The following CDS1 variants were observed in gnomAD, a reference collection of about 807,000 sequenced individuals.
CDS1 encodes the protein phosphatidate cytidylyltransferase 1.
CDS1 carries 41 observed loss-of-function variants against 62.1 expected under a neutral mutation model. That is an observed-to-expected ratio of 0.66 (90% CI 0.51 to 0.86). CDS1 has a LOEUF of 0.86. Among genes scored for constraint, CDS1 ranks in the 40% least tolerant of loss-of-function variants. The probability of loss-of-function intolerance (pLI) is 0.00; values close to 1 mark genes in which losing one functional copy is unlikely to be tolerated. For synonymous variants in CDS1, 185 were observed against 192.6 expected, an observed-to-expected ratio of 0.96 and a Z score of 0.32; for missense variants, 470 against 550.1, an observed-to-expected ratio of 0.85 and a Z score of 1.46.
At chr4:84,637,279 C>G (rs1416099416) in intron 8 of CDS1, among the ~76,000 whole-genome samples, 1 of 152,154 alleles carries the variant, frequency 6.6e-6, no homozygotes, top group Non-Finnish European at 1.5e-5. Flanking sequence ...AAGTTTTCGG[C>G]TTGGGAAGCT....
In CDS1 at chr4:84,583,419, C is replaced by T; in HGVS notation, c.18C>T (p.His6=). Residue 6 remains histidine, a synonymous_variant, in exon 1 of 13, where the codon CAC becomes CAT. Coordinates refer to ENST00000295887, the MANE Select transcript of CDS1 (RefSeq NM_001263.4). ...AGCGGAAGATGTTGGAGCTGAGGCA[C>T]CGGGGAAGCTGCCCCGGCCCCAGGG... MLELR[H]RGSCPGPREA... 1 of 1,600,932 alleles carries T rather than the reference C, an allele frequency of 6.2e-7. No individual in the cohort carries two copies. Among genetic ancestry groups the T allele is most frequent in the Non-Finnish European group, 8.5e-7 (1 of 1,174,546 alleles).
At chr4:84,629,804 T>C (rs1459308861) in intron 5 of CDS1, among the ~76,000 whole-genome samples, 1 of 152,224 alleles carries the variant, frequency 6.6e-6, no homozygotes, top group Non-Finnish European at 1.5e-5. Flanking sequence ...GGATAAAATG[T>C]CCATTAGGAA....
In CDS1 at chr4:84,589,753, G is replaced by A. The variant is rs191178485; in HGVS notation, c.117+6235G>A. Among the ~76,000 whole-genome samples, 24 of 152,326 alleles carry A rather than the reference G, an allele frequency of 1.6e-4. No individual in the cohort carries two copies. The East Asian group carries it at 4.4e-3, about 28-fold the overall frequency. On this transcript the variant is annotated intron_variant, in intron 1 of 12. Transcript: ENST00000295887. ...CAGAGCCTTGGTAGTATTTCAGAGG[G>A]GGAGAGGCAAGTTGTAACGTATTTG...
rs1724443378 is a variant in CDS1, at chr4:84,643,168, A to C, written c.1152+25A>C. 4 of 1,604,858 alleles carry C rather than the reference A, an allele frequency of 2.5e-6. No homozygotes were observed. In the East Asian group the frequency reaches 6.7e-5, roughly 27 times the overall value. On this transcript the variant is annotated intron_variant, in intron 11 of 12. Transcript: ENST00000295887. ...GGTGTGTGTTTAGATTCTTTGTTATATTATTAGAGAATATAATTAGAGAAT... is the reference window on the plus strand; with the variant it reads ...GGTGTGTGTTTAGATTCTTTGTTATCTTATTAGAGAATATAATTAGAGAAT...
At chr4:84,610,962 A>G (rs969183289) in intron 3 of CDS1, among the ~76,000 whole-genome samples, 13 of 152,226 alleles carry the variant, frequency 8.5e-5, no homozygotes, top group Non-Finnish European at 1.6e-4. Context: ...ATATATAATT[A>G]CAAACTACAA....
intron 4 of CDS1, among the ~76,000 whole-genome samples, chr4:84,618,098 A>G (rs1035090533): frequency 1.3e-5 from 2 of 152,184 alleles, no homozygotes; most frequent in Non-Finnish European, 2.9e-5. Flanking sequence ...CAAAATCACC[A>G]TAATGATATT....
chr4:84,630,310 G>A (rs1466988549), intron 5 of CDS1, among the ~76,000 whole-genome samples: 1 of 151,946 alleles, frequency 6.6e-6, no homozygotes, highest in Non-Finnish European at 1.5e-5. Context: ...TTTCATTTGT[G>A]CCTCCACTCA....
chr4:84,597,207 G>T (rs939995265), intron 1 of CDS1, among the ~76,000 whole-genome samples: 1 of 152,150 alleles, frequency 6.6e-6, no homozygotes, highest in African/African-American at 2.4e-5. Flanking sequence ...GAACAGGGCT[G>T]CGGAGAAAGA....
At chr4:84,599,282 A>G (rs959155663) in intron 1 of CDS1, among the ~76,000 whole-genome samples, 1 of 151,886 alleles carries the variant, frequency 6.6e-6, no homozygotes, top group Non-Finnish European at 1.5e-5. Context: ...TTATCTTACA[A>G]AGGTTACCTC....
At chr4:84,634,329 C>T (rs1020150924) in intron 7 of CDS1, among the ~76,000 whole-genome samples, 6 of 151,948 alleles carry the variant, frequency 3.9e-5, no homozygotes, top group Admixed American at 1.3e-4. Flanking sequence ...TGAAGAAATG[C>T]ATGTTTTTCT....
At chr4:84,646,838 G>A (rs903513458) in intron 12 of CDS1, among the ~76,000 whole-genome samples, 3 of 152,054 alleles carry the variant, frequency 2.0e-5, no homozygotes, top group African/African-American at 4.8e-5. Context: ...TGTTTGGTCC[G>A]CTTGTTCTAT....
rs1459891570 is a variant in CDS1 at position 84,650,982 on chromosome 4, A to G, written c.*2296A>G. 2 of 152,160 alleles carry G rather than the reference A, an allele frequency of 1.3e-5. No individual in the cohort carries two copies. Among genetic ancestry groups the G allele is most frequent in the South Asian group, 2.1e-4 (1 of 4,832 alleles). 9.4% of individuals were successfully genotyped at this position (152,160 alleles called of 1,614,324 possible). On this transcript the variant is annotated 3_prime_UTR_variant, in exon 13 of 13. Coordinates refer to ENST00000295887, the MANE Select transcript of CDS1 (RefSeq NM_001263.4). ...AAAACTAGGAAGTTCTTTCACAGTAATGCCTAGTTGTTCCAAATTTGCTAT... is the reference window on the plus strand; with the variant it reads ...AAAACTAGGAAGTTCTTTCACAGTAGTGCCTAGTTGTTCCAAATTTGCTAT...
At chr4:84,589,807 C>G (rs1315161736) in intron 1 of CDS1, among the ~76,000 whole-genome samples, 1 of 151,276 alleles carries the variant, frequency 6.6e-6, no homozygotes, top group African/African-American at 2.4e-5. Context: ...TAAGGCAGGT[C>G]TTTTTTGTTT....
At chr4:84,604,112 G>A in intron 1 of CDS1, 131 bp from the exon 2 acceptor site, 1 of 732,414 alleles carries the variant, frequency 1.4e-6, no homozygotes, top group South Asian at 2.0e-5. Flanking sequence ...AGATTTTCAA[G>A]ATAAATAGTA....
chr4:84,607,263 G>T (rs1189627969), intron 2 of CDS1, among the ~76,000 whole-genome samples: 1 of 152,058 alleles, frequency 6.6e-6, no homozygotes, highest in Non-Finnish European at 1.5e-5. Flanking sequence ...ATATTGGAGA[G>T]TGGTTGAAAG....
At chr4:84,631,696 A>G in intron 5 of CDS1, 123 bp from the exon 6 acceptor site, 1 of 738,294 alleles carries the variant, frequency 1.4e-6, no homozygotes, top group South Asian at 1.6e-5. Context: ...GAGAGATGGC[A>G]TCTGAGTAAG....
chr4:84,623,773 C>T (rs1340377174), intron 5 of CDS1, among the ~76,000 whole-genome samples: 1 of 152,182 alleles, frequency 6.6e-6, no homozygotes, highest in Admixed American at 6.5e-5. Context: ...CCCCAGGCCT[C>T]TCACGTGGTT....
chr4:84,634,019 G>T, intron 7 of CDS1, 80 bp downstream of exon 7: 1 of 729,376 alleles, frequency 1.4e-6, no homozygotes, highest in African/African-American at 1.8e-5. Context: ...GTGTCTTACA[G>T]ATTTCTACTA....
rs769326580 is a variant in CDS1 at position 84,617,603 on chromosome 4, A to T, written c.382A>T (p.Thr128Ser). 1 of 1,598,700 alleles carries T rather than the reference A, an allele frequency of 6.3e-7. No homozygotes were observed. The highest frequency in any genetic ancestry group is 8.6e-7 in the Non-Finnish European group (1 of 1,168,718). ...IQVKCFHEII[T>S]IGYRVYHSYD... ...AGTGAAATGCTTCCATGAAATTATC[A>T]CTATAGGTTATAGAGTCTATCATTC... Residue 128 changes from threonine (T) to serine (S), a missense_variant, in exon 4 of 13, where the codon ACT becomes TCT. Around this residue, in one of 5 missense-constraint regions of CDS1, gnomAD observed 34 missense variants for 64.8 expected, o/e 0.52. Transcript: ENST00000295887.
Sources: gnomAD v4.1 joint callset for allele counts (sites outside exome capture counted in the v4.1 genomes callset) on GRCh38, gnomAD v4.1.1 for gene constraint, gnomAD v4.1.1 regional missense constraint, MANE v1.5 for transcripts, NCBI Gene and HGNC (gene_info 2026-07-23, HGNC 2026-07-21) for gene names.